The following MUSK variants were observed in gnomAD, a reference collection of about 807,000 sequenced individuals.
MUSK encodes muscle associated receptor tyrosine kinase.
MUSK carries 55 observed loss-of-function variants against 88.7 expected under a neutral mutation model. That is an observed-to-expected ratio of 0.62 (90% CI 0.50 to 0.78). The LOEUF is 0.78. MUSK is among the 30% of genes least tolerant of loss of function. The pLI is 0.00. For missense variants in MUSK, 1,015 were observed against 1,074.3 expected, an observed-to-expected ratio of 0.94 and a Z score of 0.77; for synonymous variants, 387 against 391.9, an observed-to-expected ratio of 0.99 and a Z score of 0.15.
Position 110,805,529 on chromosome 9 carries a change from T to C in MUSK, c.*4541T>C, listed in dbSNP as rs2078150146. Among the ~76,000 whole-genome samples, 1 of 152,042 alleles carries C rather than the reference T, an allele frequency of 6.6e-6. No homozygotes were observed. ...TGGGTATATCTTTTTCTTGTTGCTT[T>C]GTAAGAGCACTTTATATATTAAGGA... On this transcript the variant is annotated 3_prime_UTR_variant, in exon 15 of 15. Transcript: ENST00000374448.
rs1191939218 is a variant in MUSK, at chr9:110,804,424, G to GT, written c.*3442dup. ...CATTTGCTTTCATAGATAATTTTCT[G>GT]TTTTTTAGAAATCTTTTGTCTCTTT... On this transcript the variant is annotated 3_prime_UTR_variant, in exon 15 of 15. Transcript: ENST00000374448. 2.0e-5 allele frequency among the ~76,000 whole-genome samples: 3 copies of GT among 151,910 alleles called. No homozygotes were observed. The highest frequency in any genetic ancestry group is 4.4e-5 in the Non-Finnish European group (3 of 67,914).
intron 7 of MUSK, among the ~76,000 whole-genome samples, chr9:110,749,678 G>A (rs1341506585): frequency 6.6e-6 from 1 of 152,198 alleles, no homozygotes; most frequent in Non-Finnish European, 1.5e-5. Flanking sequence ...GCTCTTCCAG[G>A]TGTCTCAAAA....
chr9:110,755,989 T>TACATATATATAC (rs1183895548), intron 7 of MUSK, among the ~76,000 whole-genome samples: 1 of 139,026 alleles, frequency 7.2e-6, no homozygotes. Context: ...CATATATATA[T>TACATATATATAC]ATATATATGA....
At chr9:110,774,756 C>T (rs1201754899) in intron 9 of MUSK, among the ~76,000 whole-genome samples, 2 of 152,044 alleles carry the variant, frequency 1.3e-5, no homozygotes, top group African/African-American at 2.4e-5. Flanking sequence ...TCATCACATT[C>T]ATATGCACAG....
At chr9:110,767,408 T>A (rs927068757) in intron 8 of MUSK, among the ~76,000 whole-genome samples, 4 of 152,226 alleles carry the variant, frequency 2.6e-5, no homozygotes, top group African/African-American at 7.2e-5. Context: ...AGCTGCAAAC[T>A]TTTTAGGTGA....
intron 5 of MUSK, among the ~76,000 whole-genome samples, chr9:110,719,675 C>T (rs1170112431): frequency 6.6e-6 from 1 of 152,098 alleles, no homozygotes; most frequent in Non-Finnish European, 1.5e-5. Flanking sequence ...TAGCACTAGA[C>T]AGATCATCAG....
chr9:110,762,542 T>C lies in MUSK; in HGVS notation c.920+334T>C, dbSNP rs2077417453. Among the ~76,000 whole-genome samples the C allele has an allele frequency of 2.6e-5, 4 of 152,074 alleles. No individual in the cohort carries two copies. In the South Asian group the frequency reaches 8.3e-4, roughly 32 times the overall value. On this transcript the variant is annotated intron_variant, in intron 8 of 14. Transcript: ENST00000374448. ...CTTCAAGACATCCCCATGGAATGGG[T>C]ATTATTGTTATCTCTATTTTGCAGA...
intron 3 of MUSK, among the ~76,000 whole-genome samples, chr9:110,689,530 TATAA>T (rs2076260136): frequency 1.2e-5 from 1 of 81,324 alleles, no homozygotes; most frequent in Non-Finnish European, 2.0e-5. Context: ...TACAACTATA[TATAA>T]ATATATAGTT....
At chr9:110,755,794 A>T (rs1392104935) in intron 7 of MUSK, among the ~76,000 whole-genome samples, 1 of 151,664 alleles carries the variant, frequency 6.6e-6, no homozygotes, top group Non-Finnish European at 1.5e-5. Context: ...AGGATTTACA[A>T]GGAAGGCGGC....
intron 7 of MUSK, among the ~76,000 whole-genome samples, chr9:110,752,379 C>T (rs1394796032): frequency 6.6e-6 from 1 of 152,238 alleles, no homozygotes; most frequent in Non-Finnish European, 1.5e-5. Context: ...AGAAGCATGG[C>T]CTTATGCTCC....
chr9:110,676,360 A>ATATTATATATTATATATTATAT (rs150440779), intron 1 of MUSK, among the ~76,000 whole-genome samples: 16,727 of 147,396 alleles, frequency 0.11, 1,319 homozygotes, highest in East Asian at 0.17. Flanking sequence ...TATATATTAT[A>ATATTATATATTATATATTATAT]TATTATATAT....
chr9:110,669,372 TCAGACATC>T lies in MUSK; in HGVS notation c.79+394_79+401del, dbSNP rs546578873. On this transcript the variant is annotated intron_variant, in intron 1 of 14. Coordinates refer to ENST00000374448, the MANE Select transcript of MUSK (RefSeq NM_005592.4). ...GCCAGGAATAGAATCAACCCCATTC[TCAGACATC>T]CAGAGCATTTGCTTCTGAATAAAAA... Among the ~76,000 whole-genome samples the T allele has an allele frequency of 1.1e-3, 162 of 152,342 alleles. 1 individual carries two copies. The highest frequency in any genetic ancestry group is 3.8e-3 in the African/African-American group (157 of 41,580).
At chr9:110,729,352 GAA>G (rs1360500142) in intron 5 of MUSK, among the ~76,000 whole-genome samples, 3 of 107,014 alleles carry the variant, frequency 2.8e-5, no homozygotes, top group African/African-American at 9.7e-5. Context: ...AAAGAAAAAA[GAA>G]AAAAAAAAAA....
In MUSK at chr9:110,734,271, G is replaced by C. The variant is rs1307911151; in HGVS notation, c.649G>C (p.Ala217Pro). 1 of 1,612,784 alleles carries C rather than the reference G, an allele frequency of 6.2e-7. No individual in the cohort carries two copies. Among genetic ancestry groups the C allele is most frequent in the East Asian group, 2.2e-5 (1 of 44,770 alleles). The change falls in exon 6 of 15, where the codon GCT (alanine) becomes CCT (proline). Residue 217 changes from alanine (A) to proline (P), a missense_variant. Transcript: ENST00000374448. ...AACAGTTTTTGCCAGGATCCTGCGG[G>C]CTCCTGAATCCCACAATGTCACCTT... ...EVEVFARILR[A>P]PESHNVTFGS...
At chr9:110,722,579 A>G (rs1190721472) in intron 5 of MUSK, among the ~76,000 whole-genome samples, 1 of 152,074 alleles carries the variant, frequency 6.6e-6, no homozygotes, top group African/African-American at 2.4e-5. Context: ...AAGCTTCTGT[A>G]CAGCAAAAGA....
At position 110,768,095 on chromosome 9, in the gene MUSK, A is replaced by G. The variant is rs1211381218; in HGVS notation, c.1184+12A>G. 6.3e-7 allele frequency: 1 copy of G among 1,579,544 alleles called. No homozygotes were observed. The highest frequency in any genetic ancestry group is 8.6e-7 in the Non-Finnish European group (1 of 1,162,258). On this transcript the variant is annotated intron_variant, in intron 9 of 14. Coordinates refer to ENST00000374448, the MANE Select transcript of MUSK (RefSeq NM_005592.4). ...ATTCCCATTTGCAGGTAAAATCTCA[A>G]AAATAAGTCAAAGGAAAAATTCCAT...
chr9:110,745,241 C>G (rs1476568627), intron 6 of MUSK, among the ~76,000 whole-genome samples: 1 of 152,156 alleles, frequency 6.6e-6, no homozygotes, highest in Admixed American at 6.5e-5. Flanking sequence ...GCTTCTCTTT[C>G]CTACTAAGGA....
chr9:110,698,213 C>G (rs904587386), intron 5 of MUSK, among the ~76,000 whole-genome samples: 8 of 152,078 alleles, frequency 5.3e-5, no homozygotes, highest in South Asian at 2.1e-4. Context: ...TGTTGTATGC[C>G]AGAGAATTAA....
chr9:110,805,778 G>T lies in MUSK; in HGVS notation c.*4790G>T. Among the ~76,000 whole-genome samples the T allele has an allele frequency of 6.6e-6, 1 of 151,512 alleles. No individual in the cohort carries two copies. On this transcript the variant is annotated 3_prime_UTR_variant, in exon 15 of 15. Coordinates refer to ENST00000374448, the MANE Select transcript of MUSK (RefSeq NM_005592.4). ...TTGTCTTCTAGGAATAAACTTTTTG[G>T]GCGAATCATATCAATCTTCTACTTA...
Sources: gnomAD v4.1 joint callset for allele counts (sites outside exome capture counted in the v4.1 genomes callset) on GRCh38, gnomAD v4.1.1 for gene constraint, MANE v1.5 for transcripts, NCBI Gene and HGNC (gene_info 2026-07-23, HGNC 2026-07-21) for gene names.